SPIDR: variants seen among roughly 807,000 people sequenced by gnomAD.
SPIDR encodes scaffold protein involved in DNA repair.
In SPIDR, 93 loss-of-function variants were observed where a neutral mutation model predicts 104.6. That is an observed-to-expected ratio of 0.89 (90% CI 0.75 to 1.06). SPIDR has a LOEUF of 1.06. Among genes scored for constraint, SPIDR ranks in the 50% least tolerant of loss-of-function variants. The pLI is 0.00. For missense variants in SPIDR, 1,154 were observed against 1,111.2 expected, an observed-to-expected ratio of 1.04 and a Z score of -0.55; for synonymous variants, 431 against 416.9, an observed-to-expected ratio of 1.03 and a Z score of -0.41.
intron 5 of SPIDR, among the ~76,000 whole-genome samples, chr8:47,344,524 G>C (rs1207133571): frequency 6.6e-6 from 1 of 152,212 alleles, no homozygotes; most frequent in African/African-American, 2.4e-5. Context: ...TCTAGTTCTA[G>C]ATCCTTGAGG....
chr8:47,545,366 G>C (rs563506064), intron 8 of SPIDR, among the ~76,000 whole-genome samples: 1 of 151,678 alleles, frequency 6.6e-6, no homozygotes, highest in African/African-American at 2.4e-5. Context: ...ACTGTGCCCG[G>C]CCTTTTTTTC....
At chr8:47,478,099 G>T (rs1554724664) in intron 8 of SPIDR, among the ~76,000 whole-genome samples, 1 of 152,226 alleles carries the variant, frequency 6.6e-6, no homozygotes, top group African/African-American at 2.4e-5. Flanking sequence ...TTCGTGTGAG[G>T]AAAAGATGCA....
intron 6 of SPIDR, among the ~76,000 whole-genome samples, chr8:47,399,492 G>T (rs1483260213): frequency 1.3e-5 from 2 of 152,220 alleles, no homozygotes; most frequent in Non-Finnish European, 2.9e-5. Flanking sequence ...GGGAGGATGA[G>T]AACGGAGTTG....
chr8:47,698,081 G>A (rs1374807086), intron 11 of SPIDR: 1 of 152,104 alleles, frequency 6.6e-6, no homozygotes, highest in Non-Finnish European at 1.5e-5. Flanking sequence ...ACATAATTAA[G>A]TTATCAAATC....
chr8:47,653,944 T>G, intron 10 of SPIDR: 1 of 1,210,302 alleles, frequency 8.3e-7, no homozygotes, highest in South Asian at 1.4e-5. Context: ...AGTCTTCATA[T>G]AAGACATGGA....
At chr8:47,344,601 C>G (rs2051486089) in intron 5 of SPIDR, among the ~76,000 whole-genome samples, 1 of 152,212 alleles carries the variant, frequency 6.6e-6, no homozygotes. Context: ...TAAAAGCATT[C>G]CTATCTCTCC....
At chr8:47,721,085 G>T (rs913442698) in intron 16 of SPIDR, among the ~76,000 whole-genome samples, 1 of 152,092 alleles carries the variant, frequency 6.6e-6, no homozygotes, top group South Asian at 2.1e-4. Context: ...AAGTCTTTTT[G>T]CAAACCATAA....
At chr8:47,531,432 T>C (rs1197404641) in intron 8 of SPIDR, among the ~76,000 whole-genome samples, 1 of 152,196 alleles carries the variant, frequency 6.6e-6, no homozygotes, top group Non-Finnish European at 1.5e-5. Flanking sequence ...GTCATTCCTT[T>C]TAGAAATATA....
At chr8:47,393,030 G>GAT in intron 5 of SPIDR, among the ~76,000 whole-genome samples, 1 of 152,112 alleles carries the variant, frequency 6.6e-6, no homozygotes, top group East Asian at 1.9e-4. Context: ...ATTTTCCATA[G>GAT]ATAGTCTTCT....
At chr8:47,615,214 T>C (rs2064129287) in intron 10 of SPIDR, among the ~76,000 whole-genome samples, 1 of 152,058 alleles carries the variant, frequency 6.6e-6, no homozygotes, top group Non-Finnish European at 1.5e-5. Context: ...TGAGTCACTA[T>C]GCCCAGCCAA....
chr8:47,728,601 G>T, intron 17 of SPIDR: 1 of 252,420 alleles, frequency 4.0e-6, no homozygotes, highest in Non-Finnish European at 7.6e-6. Flanking sequence ...TGTGCTGGCA[G>T]CTGAGAGCAG....
At chr8:47,398,005 G>A (rs1171223675) in intron 6 of SPIDR, among the ~76,000 whole-genome samples, 7 of 152,162 alleles carry the variant, frequency 4.6e-5, no homozygotes, top group African/African-American at 9.7e-5. Context: ...GGATGTGGCC[G>A]AGTTTAGTGG....
chr8:47,325,764 G>C (rs2154265124), intron 5 of SPIDR, among the ~76,000 whole-genome samples: 1 of 152,196 alleles, frequency 6.6e-6, no homozygotes, highest in African/African-American at 2.4e-5. Context: ...TTCTGGGCAT[G>C]GGTGCCTGAT....
intron 7 of SPIDR, among the ~76,000 whole-genome samples, chr8:47,428,646 G>T (rs1320428416): frequency 6.6e-6 from 1 of 152,072 alleles, no homozygotes; most frequent in African/African-American, 2.4e-5. Flanking sequence ...TAAGAAATGC[G>T]AATAACACGG....
chr8:47,625,082 C>T (rs1169386202), intron 10 of SPIDR, among the ~76,000 whole-genome samples: 1 of 152,274 alleles, frequency 6.6e-6, no homozygotes, highest in South Asian at 2.1e-4. Context: ...GCTGGTTCAA[C>T]ATACACAAAT....
chr8:47,733,619 G>A (rs573096190), intron 19 of SPIDR, among the ~76,000 whole-genome samples: 4 of 151,910 alleles, frequency 2.6e-5, no homozygotes, highest in Non-Finnish European at 2.9e-5. Flanking sequence ...CTCCCTCCCC[G>A]TGCGGTGACC....
intron 16 of SPIDR, among the ~76,000 whole-genome samples, chr8:47,715,962 T>TAC (rs2082522715): frequency 6.6e-6 from 1 of 150,718 alleles, no homozygotes; most frequent in African/African-American, 2.5e-5. Context: ...TCTCTCTTTT[T>TAC]TCTTTTTTTT....
chr8:47,330,252 A>G (rs1303744295), intron 5 of SPIDR, among the ~76,000 whole-genome samples: 1 of 152,088 alleles, frequency 6.6e-6, no homozygotes, highest in Non-Finnish European at 1.5e-5. Flanking sequence ...AGGAAGGTAC[A>G]GAGGTATCCC....
At chr8:47,439,908 A>G (rs2069075188) in intron 7 of SPIDR, among the ~76,000 whole-genome samples, 2 of 152,362 alleles carry the variant, frequency 1.3e-5, no homozygotes, top group South Asian at 4.1e-4. Context: ...ATTTCAAAGC[A>G]GAGAATCAAA....
Sources: gnomAD v4.1 joint callset for allele counts (sites outside exome capture counted in the v4.1 genomes callset) on GRCh38, gnomAD v4.1.1 for gene constraint, MANE v1.5 for transcripts, NCBI Gene and HGNC (gene_info 2026-07-23, HGNC 2026-07-21) for gene names.